The following CNTNAP2 variants were observed in gnomAD, a reference collection of about 807,000 sequenced individuals.
CNTNAP2 encodes contactin-associated protein-like 2.
CNTNAP2 carries 98 observed loss-of-function variants against 155.2 expected under a neutral mutation model. The observed-to-expected ratio is 0.63, with a 90% CI of 0.54 to 0.75. The LOEUF is 0.75. Among genes scored for constraint, CNTNAP2 ranks in the 30% least tolerant of loss-of-function variants. CNTNAP2 has a pLI of 0.00. For synonymous variants in CNTNAP2, 651 were observed against 631.2 expected, an observed-to-expected ratio of 1.03 and a Z score of -0.47; for missense variants, 1,727 against 1,688.1, an observed-to-expected ratio of 1.02 and a Z score of -0.40.
At chr7:146,117,411 G>A (rs1247718957) in intron 1 of CNTNAP2, 1 of 158,658 alleles carries the variant, frequency 6.3e-6, no homozygotes, top group Admixed American at 6.2e-5. Context: ...AGAGGAGCAT[G>A]TTTTAAACAG....
intron 1 of CNTNAP2, among the ~76,000 whole-genome samples, chr7:146,191,542 G>A (rs1468255061): frequency 5.3e-5 from 8 of 152,098 alleles, no homozygotes; most frequent in African/African-American, 7.2e-5. Context: ...GAATTTCCTC[G>A]TCCTAATAGG....
chr7:146,149,824 G>A (rs1798010510), intron 1 of CNTNAP2, among the ~76,000 whole-genome samples: 1 of 150,362 alleles, frequency 6.7e-6, no homozygotes, highest in Non-Finnish European at 1.5e-5. Flanking sequence ...AATATTTCCT[G>A]GACCTGAGCT....
intron 13 of CNTNAP2, among the ~76,000 whole-genome samples, chr7:147,836,498 G>A (rs1226288134): frequency 6.6e-6 from 1 of 152,110 alleles, no homozygotes; most frequent in African/African-American, 2.4e-5. Context: ...GCTCCAAAGT[G>A]CAACTCTACG....
chr7:147,088,985 A>G (rs1004789564), intron 4 of CNTNAP2, among the ~76,000 whole-genome samples: 1 of 150,924 alleles, frequency 6.6e-6, no homozygotes, highest in African/African-American at 2.5e-5. Flanking sequence ...AAAGAGAGAA[A>G]GAGAGACAGA....
At chr7:148,237,634 A>G (rs1201973392) in intron 20 of CNTNAP2, among the ~76,000 whole-genome samples, 3 of 152,258 alleles carry the variant, frequency 2.0e-5, no homozygotes, top group Non-Finnish European at 4.4e-5. Context: ...AATATGTAAC[A>G]TCAAATGGTC....
intron 3 of CNTNAP2, among the ~76,000 whole-genome samples, chr7:146,856,405 G>A (rs879688715): frequency 6.6e-6 from 1 of 151,970 alleles, no homozygotes; most frequent in East Asian, 1.9e-4. Flanking sequence ...AGTAGAATAC[G>A]AACTTCTGAC....
chr7:147,288,563 C>T (rs574859004), intron 8 of CNTNAP2, among the ~76,000 whole-genome samples: 11 of 152,312 alleles, frequency 7.2e-5, no homozygotes, highest in East Asian at 3.9e-4. Flanking sequence ...AGAAAGCAGA[C>T]GATGATCATC....
chr7:146,281,299 A>T (rs996849982), intron 1 of CNTNAP2, among the ~76,000 whole-genome samples: 50 of 152,326 alleles, frequency 3.3e-4, no homozygotes, highest in Middle Eastern at 3.4e-3. Context: ...ATAAAGGTTG[A>T]GTAACTTCCT....
chr7:146,628,535 A>G (rs975817955), intron 1 of CNTNAP2, among the ~76,000 whole-genome samples: 2 of 152,158 alleles, frequency 1.3e-5, no homozygotes, highest in Non-Finnish European at 2.9e-5. Flanking sequence ...GCATATGTTA[A>G]ATAGCTGAAT....
At chr7:147,888,575 G>A (rs909324669) in intron 13 of CNTNAP2, among the ~76,000 whole-genome samples, 4 of 151,758 alleles carry the variant, frequency 2.6e-5, no homozygotes, top group African/African-American at 9.7e-5. Flanking sequence ...AAAAAAACAT[G>A]CAAATTAAGA....
Position 147,707,772 on chromosome 7 carries a change from G to T in CNTNAP2, c.2098+68466G>T, listed in dbSNP as rs573990080. Among the ~76,000 whole-genome samples the T allele has an allele frequency of 3.3e-5, 5 of 152,288 alleles. No individual in the cohort carries two copies. The East Asian group carries it at 9.6e-4, about 29-fold the overall frequency. On this transcript the variant is annotated intron_variant, in intron 13 of 23. Transcript: ENST00000361727. ...TCTGAAGTGATTTGCATTGTTTGTTGGCATTGGCTACAATGGGCTGGGAAG... is the reference window on the plus strand; with the variant it reads ...TCTGAAGTGATTTGCATTGTTTGTTTGCATTGGCTACAATGGGCTGGGAAG...
intron 1 of CNTNAP2, among the ~76,000 whole-genome samples, chr7:146,280,788 AAT>A (rs576714357): frequency 2.8e-4 from 43 of 152,270 alleles, no homozygotes; most frequent in Non-Finnish European, 5.4e-4. Flanking sequence ...CTCCTGGCCT[AAT>A]CCTACCAATA....
intron 1 of CNTNAP2, among the ~76,000 whole-genome samples, chr7:146,383,119 A>C (rs2129105291): frequency 6.6e-6 from 1 of 152,284 alleles, no homozygotes; most frequent in Non-Finnish European, 1.5e-5. Context: ...TCTGTGTGAA[A>C]TAGCTACAGA....
At chr7:147,345,695 T>A (rs1323443738) in intron 9 of CNTNAP2, among the ~76,000 whole-genome samples, 19 of 152,190 alleles carry the variant, frequency 1.2e-4, no homozygotes, top group Admixed American at 1.2e-3. Flanking sequence ...TTTTTCTGTT[T>A]CATTAAAGAC....
intron 16 of CNTNAP2, among the ~76,000 whole-genome samples, chr7:148,129,637 A>G (rs1804786643): frequency 6.6e-6 from 1 of 152,176 alleles, no homozygotes; most frequent in African/African-American, 2.4e-5. Flanking sequence ...AAATCACTCA[A>G]TTTTTCAACT....
chr7:146,646,639 G>A (rs1446863873), intron 1 of CNTNAP2, among the ~76,000 whole-genome samples: 2 of 152,022 alleles, frequency 1.3e-5, no homozygotes, highest in Non-Finnish European at 2.9e-5. Context: ...CAAATTTTCT[G>A]GCATAAATAA....
At position 146,968,725 on chromosome 7, in the gene CNTNAP2, C is replaced by T. The variant is rs1182246910; in HGVS notation, c.403-75182C>T. Among the ~76,000 whole-genome samples, 574 of 151,808 alleles carry T rather than the reference C, an allele frequency of 3.8e-3. 4 individuals carry two copies. The highest frequency in any genetic ancestry group is 0.013 in the African/African-American group (541 of 41,192). The stretch of plus-strand genomic sequence containing the variant: ...TTTTCTTCTTTATTAGTCTTGCTAG[C>T]AGTCTATCAATTTTGTTGATCCTTT... On this transcript the variant is annotated intron_variant, in intron 3 of 23. Transcript: ENST00000361727.
chr7:146,451,728 T>G (rs888765247), intron 1 of CNTNAP2, among the ~76,000 whole-genome samples: 2 of 151,702 alleles, frequency 1.3e-5, no homozygotes, highest in African/African-American at 4.8e-5. Flanking sequence ...AGACTCAGCT[T>G]AAATATCATT....
chr7:148,167,829 T>A (rs1469870267), intron 17 of CNTNAP2, among the ~76,000 whole-genome samples: 1 of 152,078 alleles, frequency 6.6e-6, no homozygotes, highest in Non-Finnish European at 1.5e-5. Flanking sequence ...ATGTAGAACC[T>A]AAGAAGTCCA....
Sources: gnomAD v4.1 joint callset for allele counts (sites outside exome capture counted in the v4.1 genomes callset) on GRCh38, gnomAD v4.1.1 for gene constraint, MANE v1.5 for transcripts, NCBI Gene and HGNC (gene_info 2026-07-23, HGNC 2026-07-21) for gene names.